NCAPG: variants seen among roughly 807,000 people sequenced by gnomAD.
NCAPG encodes condensin complex subunit 3.
In NCAPG, 69 loss-of-function variants were observed where a neutral mutation model predicts 113.1. The observed-to-expected ratio is 0.61, with a 90% CI of 0.50 to 0.75. The LOEUF (loss-of-function observed/expected upper bound fraction) is 0.75, where lower values mean the gene tolerates loss of function less well. Ranked by LOEUF, NCAPG falls within the 30% of genes least tolerant of loss-of-function variation. The probability of loss-of-function intolerance (pLI) is 0.00; values close to 1 mark genes in which losing one functional copy is unlikely to be tolerated. For synonymous variants in NCAPG, 370 were observed against 415.8 expected, an observed-to-expected ratio of 0.89 and a Z score of 1.34; for missense variants, 1,058 against 1,177.0, an observed-to-expected ratio of 0.90 and a Z score of 1.48.
At chr4:17,813,227 A>G (rs867169094) in intron 3 of NCAPG, 82 bp downstream of exon 3, 1 of 1,144,294 alleles carries the variant, frequency 8.7e-7, no homozygotes. Flanking sequence ...ATTATGGTCT[A>G]TACATTTGAA....
Position 17,813,010 on chromosome 4 carries a change from G to T in NCAPG, c.409G>T (p.Asp137Tyr). The T allele has an allele frequency of 6.2e-7, 1 of 1,614,014 alleles. No homozygotes were observed. Among genetic ancestry groups the T allele is most frequent in the Non-Finnish European group, 8.5e-7 (1 of 1,179,956 alleles). Residue 137 changes from aspartate to tyrosine, a missense_variant, in exon 3 of 21, where the codon GAT (aspartate) becomes TAT (tyrosine). Asp to Tyr is a radical substitution (Grantham distance 160). Transcript: ENST00000251496. ...TATGCCAGAAAATGCTCAGATTGAT[G>T]ATGATGTGTTTGATAAAATTAATAA... ...GSMPENAQID[D>Y]DVFDKINKAM...
In NCAPG at chr4:17,840,625, A is replaced by C. The variant is rs768837836; in HGVS notation, c.2786A>C (p.Tyr929Ser). The C allele has an allele frequency of 6.5e-7, 1 of 1,537,110 alleles. No homozygotes were observed. Among genetic ancestry groups the C allele is most frequent in the South Asian group, 1.3e-5 (1 of 77,146 alleles). ...QNEDEKNKEVYMTPLRGVKAT... is the reference protein window; with the variant it reads ...QNEDEKNKEVSMTPLRGVKAT... ...TTAATAGAAAAGAATAAAGAAGTATATATGACTCCACTCAGGGGTGTAAAA... is the reference window on the plus strand; with the variant it reads ...TTAATAGAAAAGAATAAAGAAGTATCTATGACTCCACTCAGGGGTGTAAAA... The change falls in exon 19 of 21, where the codon TAT becomes TCT. Residue 929 changes from tyrosine (Y) to serine (S), a missense_variant. Tyr to Ser is a moderately radical substitution (Grantham distance 144, BLOSUM62 -2). Transcript: ENST00000251496.
intron 19 of NCAPG, chr4:17,841,342 C>CTAT (rs1245790324): frequency 6.6e-6 from 1 of 151,944 alleles, no homozygotes; most frequent in African/African-American, 2.4e-5. Flanking sequence ...TTTTAGAAAT[C>CTAT]TATTTTTTAA....
intron 12 of NCAPG, among the ~76,000 whole-genome samples, chr4:17,829,120 A>G (rs1230093881): frequency 6.6e-6 from 1 of 152,132 alleles, no homozygotes; most frequent in African/African-American, 2.4e-5. Flanking sequence ...CTTAAACTGG[A>G]CTAGTCACAT....
At chr4:17,839,377 G>T (rs1216704020) in intron 16 of NCAPG, among the ~76,000 whole-genome samples, 1 of 152,128 alleles carries the variant, frequency 6.6e-6, no homozygotes, top group Non-Finnish European at 1.5e-5. Flanking sequence ...GTCCACCATT[G>T]TCAGCCTGGA....
At chr4:17,839,023 AAG>A (rs1413419653) in intron 16 of NCAPG, among the ~76,000 whole-genome samples, 1 of 152,220 alleles carries the variant, frequency 6.6e-6, no homozygotes, top group Non-Finnish European at 1.5e-5. Flanking sequence ...ATCTAAAAGA[AAG>A]AGCTTGAGAG....
At chr4:17,837,362 T>C in intron 15 of NCAPG, 22 bp downstream of exon 15, 5 of 1,578,868 alleles carry the variant, frequency 3.2e-6, no homozygotes, top group Non-Finnish European at 3.4e-6. Flanking sequence ...TACTGATAAA[T>C]CAAAAATCTG....
At chr4:17,819,473 C>G (rs1354449746) in intron 7 of NCAPG, among the ~76,000 whole-genome samples, 1 of 151,794 alleles carries the variant, frequency 6.6e-6, no homozygotes, top group Non-Finnish European at 1.5e-5. Flanking sequence ...GCAATCTCGG[C>G]TCACTGCATC....
intron 5 of NCAPG, among the ~76,000 whole-genome samples, chr4:17,816,449 A>G (rs1721215996): frequency 1.3e-5 from 2 of 152,102 alleles, no homozygotes; most frequent in African/African-American, 4.8e-5. Context: ...TAGGAATGAT[A>G]TTTTTTGAAG....
chr4:17,841,518 GGAGTAGAAAA>G (rs1401006792), intron 19 of NCAPG: 3 of 151,856 alleles, frequency 2.0e-5, no homozygotes, highest in Non-Finnish European at 2.9e-5. Context: ...AAGCAGGTAA[GGAGTAGAAAA>G]AAGTGTAACA....
intron 10 of NCAPG, 72 bp from the exon 11 acceptor site, chr4:17,825,310 C>T (rs921696086): frequency 1.9e-4 from 249 of 1,315,184 alleles, no homozygotes; most frequent in Non-Finnish European, 2.6e-4. Context: ...TTAAATAATA[C>T]TCCTGAGTTG....
Position 17,834,327 on chromosome 4 carries a change from AAAT to A in NCAPG, c.1916_1918del (p.Ile639del), listed in dbSNP as rs1237552198. The A allele has an allele frequency of 8.2e-6, 13 of 1,594,672 alleles. No homozygotes were observed. The East Asian group carries it at 2.7e-4, about 33-fold the overall frequency. ...TTGCAAATTGATGATGTCACAATAA[AAAT>A]AAGTGCTTTAAAGGCAATCTTTGAC... On this transcript the variant is annotated inframe_deletion, in exon 14 of 21. Transcript: ENST00000251496.
At chr4:17,820,627 T>C (rs1344138961) in intron 7 of NCAPG, among the ~76,000 whole-genome samples, 2 of 151,956 alleles carry the variant, frequency 1.3e-5, no homozygotes, top group East Asian at 1.9e-4. Flanking sequence ...AAGAAAACTT[T>C]CAGAAATTTA....
Position 17,817,345 on chromosome 4 carries a change from G to C in NCAPG, c.860G>C (p.Arg287Pro). 1 of 1,613,996 alleles carries C rather than the reference G, an allele frequency of 6.2e-7. No homozygotes were observed. Among genetic ancestry groups the C allele is most frequent in the Non-Finnish European group, 8.5e-7 (1 of 1,179,920 alleles). Residue 287 changes from arginine to proline, a missense_variant, in exon 6 of 21, where the codon CGG (arginine) becomes CCG (proline). Transcript: ENST00000251496. ...GGAAATATCTTAGAGTTGCTCCATCGGTTGGATGTAGAAAATTCTTCTGAA... is the reference window on the plus strand; with the variant it reads ...GGAAATATCTTAGAGTTGCTCCATCCGTTGGATGTAGAAAATTCTTCTGAA... Reference protein sequence around the residue: ...SEGNILELLHRLDVENSSEVA... With the variant: ...SEGNILELLHPLDVENSSEVA...
At chr4:17,830,554 T>C (rs965224028) in intron 12 of NCAPG, among the ~76,000 whole-genome samples, 2 of 90,504 alleles carry the variant, frequency 2.2e-5, no homozygotes, top group Non-Finnish European at 4.3e-5. Flanking sequence ...CTAGTTTCAC[T>C]TTTTTTTTTT....
intron 12 of NCAPG, among the ~76,000 whole-genome samples, chr4:17,830,201 G>C (rs921205314): frequency 6.6e-6 from 1 of 152,010 alleles, no homozygotes; most frequent in Admixed American, 6.6e-5. Context: ...AGACCAGCCT[G>C]GGCAACATGG....
Position 17,817,939 on chromosome 4 carries a change from G to A in NCAPG, c.969G>A (p.Arg323=). ...LVGLCKNNDG[R]KLIPVETLTP... The stretch of plus-strand genomic sequence containing the variant: ...CTCACACTCTTTCTTTTAAATGAAG[G>A]AAATTGATTCCAGTGGAAACATTAA... The change falls in exon 7 of 21, where the codon AGG becomes AGA. Residue 323 remains arginine (R), a splice_region_variant and synonymous_variant. Transcript: ENST00000251496. The A allele has an allele frequency of 1.3e-6, 2 of 1,591,466 alleles. No individual in the cohort carries two copies. Among genetic ancestry groups the A allele is most frequent in the Admixed American group, 1.8e-5 (1 of 54,110 alleles).
intron 9 of NCAPG, 84 bp downstream of exon 9, chr4:17,823,854 T>C: frequency 1.7e-6 from 2 of 1,165,718 alleles, no homozygotes; most frequent in Admixed American, 2.6e-5. Flanking sequence ...GAACTTTTTG[T>C]TTTGTCTGTT....
chr4:17,842,467 G>A, intron 20 of NCAPG, 88 bp downstream of exon 20: 1 of 1,018,900 alleles, frequency 9.8e-7, no homozygotes, highest in South Asian at 1.4e-5. Flanking sequence ...TTGCGAATGA[G>A]AGAGAATATA....
Sources: gnomAD v4.1 joint callset for allele counts (sites outside exome capture counted in the v4.1 genomes callset) on GRCh38, gnomAD v4.1.1 for gene constraint, MANE v1.5 for transcripts, NCBI Gene and HGNC (gene_info 2026-07-23, HGNC 2026-07-21) for gene names.